The following PMFBP1 variants were observed in gnomAD, a reference collection of about 807,000 sequenced individuals.
The protein encoded by PMFBP1 is polyamine modulated factor 1 binding protein 1, also known as polyamine-modulated factor 1-binding protein 1.
Under a neutral mutation model 137.8 loss-of-function variants are expected in PMFBP1, and 131 were observed. The ratio of observed to expected loss-of-function variants is 0.95; its 90% CI spans 0.82 to 1.10. The LOEUF is 1.10. PMFBP1 is among the 50% of genes least tolerant of loss of function. The pLI is 0.00. For synonymous variants in PMFBP1, 490 were observed against 450.4 expected (o/e 1.09, Z -1.11); for missense variants, 1,199 against 1,175.4 (o/e 1.02, Z -0.29).
chr16:72,238,722 G>C, the PMFBP1 span, among the ~76,000 whole-genome samples: 12 of 152,282 alleles, frequency 7.9e-5, no homozygotes, highest in Admixed American at 5.2e-4. Flanking sequence ...CATAGATAAA[G>C]ATTGTCTCCA....
the PMFBP1 span, among the ~76,000 whole-genome samples, chr16:72,237,644 T>TA: frequency 5.3e-4 from 80 of 152,254 alleles, no homozygotes; most frequent in African/African-American, 1.7e-3. Flanking sequence ...GTCTTTTTTT[T>TA]AAAAAAACTT....
At chr16:72,182,248 AC>A in the PMFBP1 span, among the ~76,000 whole-genome samples, 1 of 152,162 alleles carries the variant, frequency 6.6e-6, no homozygotes, top group Non-Finnish European at 1.5e-5. Flanking sequence ...TAATCCCAGC[AC>A]TTTGGGAGGC....
intron 3 of PMFBP1, among the ~76,000 whole-genome samples, chr16:72,163,007 T>C (rs2043087024): frequency 6.6e-6 from 1 of 152,226 alleles, no homozygotes. Context: ...TTCTAGGACA[T>C]TGCAGAGGAA....
intron 2 of PMFBP1, among the ~76,000 whole-genome samples, chr16:72,166,922 A>C (rs1422942886): frequency 1.3e-5 from 2 of 152,218 alleles, no homozygotes; most frequent in African/African-American, 4.8e-5. Context: ...AGGTGCATGG[A>C]AATAGTGAAG....
the PMFBP1 span, among the ~76,000 whole-genome samples, chr16:72,225,735 T>TAA: frequency 2.7e-5 from 4 of 147,554 alleles, no homozygotes; most frequent in Admixed American, 6.8e-5. Flanking sequence ...ATAATAATAA[T>TAA]AATAATAATA....
upstream of PMFBP1, among the ~76,000 whole-genome samples, chr16:72,174,247 T>C (rs1464834988): frequency 6.6e-6 from 1 of 152,230 alleles, no homozygotes; most frequent in Admixed American, 6.5e-5. Flanking sequence ...AAAGAGAAAG[T>C]AACTCTTTCT....
At position 72,133,041 on chromosome 16, in the gene PMFBP1, T is replaced by A. The variant is rs1278622180; in HGVS notation, c.1204-50A>T. On this transcript the variant is annotated intron_variant, in intron 9 of 20. Transcript: ENST00000237353. ...TGGGAAAGGTCTGAGTGGCAGTGGGTGAAGGCAATGAGAGGTTGTCTCAAG... is the reference window on the plus strand; with the variant it reads ...TGGGAAAGGTCTGAGTGGCAGTGGGAGAAGGCAATGAGAGGTTGTCTCAAG... 2.5e-6 allele frequency: 4 copies of A among 1,596,264 alleles called. No individual in the cohort carries two copies. The Admixed American group carries it at 6.8e-5, about 27-fold the overall frequency.
chr16:72,134,067 A>T (rs1435853328), intron 9 of PMFBP1, among the ~76,000 whole-genome samples: 1 of 152,156 alleles, frequency 6.6e-6, no homozygotes. Context: ...GAAAACCCCA[A>T]TCAAGAGGTC....
At chr16:72,141,700 A>G (rs1412347213) in intron 5 of PMFBP1, among the ~76,000 whole-genome samples, 4 of 151,196 alleles carry the variant, frequency 2.6e-5, no homozygotes, top group Non-Finnish European at 5.9e-5. Flanking sequence ...GGTTGTTTCC[A>G]TATTTTTTTT....
chr16:72,199,146 C>G, the PMFBP1 span, among the ~76,000 whole-genome samples: 1 of 152,190 alleles, frequency 6.6e-6, no homozygotes, highest in Admixed American at 6.5e-5. Flanking sequence ...GGTCACCTCT[C>G]CCCTGTCGGT....
At chr16:72,140,368 G>C in intron 6 of PMFBP1, 44 bp downstream of exon 6, 4 of 1,548,586 alleles carry the variant, frequency 2.6e-6, no homozygotes, top group South Asian at 1.1e-5. Context: ...CCCATGTCTT[G>C]ATTGAGGGTC....
chr16:72,186,337 T>C, the PMFBP1 span, among the ~76,000 whole-genome samples: 1 of 152,336 alleles, frequency 6.6e-6, no homozygotes, highest in Admixed American at 6.5e-5. Flanking sequence ...TCACTTTCTA[T>C]TCAAATAATT....
At chr16:72,166,530 T>C (rs1367889238) in intron 2 of PMFBP1, among the ~76,000 whole-genome samples, 1 of 151,982 alleles carries the variant, frequency 6.6e-6, no homozygotes, top group African/African-American at 2.4e-5. Context: ...ACCAAGAGGG[T>C]TCTTAAGTGA....
chr16:72,126,197 C>T, intron 14 of PMFBP1, 65 bp from the exon 15 acceptor site: 1 of 1,551,290 alleles, frequency 6.4e-7, no homozygotes, highest in South Asian at 1.2e-5. Flanking sequence ...TTCTCTGTGC[C>T]TATAGGAAAT....
chr16:72,225,732 T>TAA, the PMFBP1 span, among the ~76,000 whole-genome samples: 5,906 of 147,552 alleles, frequency 0.04, 200 homozygotes, highest in South Asian at 0.17. Flanking sequence ...ATAATAATAA[T>TAA]AATAATAATA....
At chr16:72,196,051 CAGAG>C in the PMFBP1 span, among the ~76,000 whole-genome samples, 64 of 137,562 alleles carry the variant, frequency 4.7e-4, no homozygotes, top group Non-Finnish European at 3.5e-4. Flanking sequence ...GAGAGACAGA[CAGAG>C]AGAGAGAAGG....
At chr16:72,150,938 C>G (rs766788531) in intron 4 of PMFBP1, 109 bp from the exon 5 acceptor site, 52 of 881,634 alleles carry the variant, frequency 5.9e-5, no homozygotes, top group Middle Eastern at 4.7e-4. Context: ...ACCAGAAGAC[C>G]AGATGAACAG....
chr16:72,129,990 G>A (rs1021264357), intron 12 of PMFBP1, among the ~76,000 whole-genome samples: 1 of 152,014 alleles, frequency 6.6e-6, no homozygotes, highest in Non-Finnish European at 1.5e-5. Context: ...GGGACTACAG[G>A]AATGTGCCAT....
chr16:72,160,578 A>AT (rs999278877), intron 3 of PMFBP1, among the ~76,000 whole-genome samples: 30 of 147,510 alleles, frequency 2.0e-4, no homozygotes, highest in Admixed American at 6.1e-4. Flanking sequence ...ATCCCTAATG[A>AT]TTTTTTTTTT....
Sources: allele counts gnomAD v4.1 joint callset (sites outside exome capture counted in the v4.1 genomes callset), GRCh38; gene constraint gnomAD v4.1.1; transcripts MANE v1.5; gene names NCBI Gene and HGNC (gene_info 2026-07-23, HGNC 2026-07-21).